The following WDR83 variants were observed in gnomAD, a reference collection of about 807,000 sequenced individuals.
WDR83 encodes the protein WD repeat domain 83.
A neutral mutation model predicts 37.7 loss-of-function variants in WDR83; 37 were observed. The ratio of observed to expected loss-of-function variants is 0.98; its 90% confidence interval spans 0.76 to 1.29. The LOEUF (loss-of-function observed/expected upper bound fraction) is 1.29. WDR83 is among the 50% of genes most tolerant of loss of function. The pLI is 0.00. For missense variants in WDR83, 445 were observed against 414.4 expected (o/e 1.07, Z -0.64); for synonymous variants, 174 against 181.1 (o/e 0.96, Z 0.31).
intron 2 of WDR83, chr19:12,669,186 G>C: frequency 6.2e-7 from 1 of 1,614,148 alleles, no homozygotes; most frequent in Non-Finnish European, 8.5e-7. Context: ...GTAGTCCGGC[G>C]TCGGGTCGTC....
At chr19:12,674,067 T>C (rs2024499084) in intron 10 of WDR83, among the ~76,000 whole-genome samples, 1 of 152,130 alleles carries the variant, frequency 6.6e-6, no homozygotes, top group Admixed American at 6.5e-5. Context: ...TTAAGAGGTG[T>C]AGCCTGCGCA....
chr19:12,674,226 G>A (rs767182717), intron 10 of WDR83, among the ~76,000 whole-genome samples: 18 of 152,210 alleles, frequency 1.2e-4, no homozygotes, highest in Non-Finnish European at 1.6e-4. Context: ...GGGTGAGATA[G>A]GGCTGCAGTC....
intron 10 of WDR83, among the ~76,000 whole-genome samples, chr19:12,675,210 T>TGAGGCCAGGAGTTC (rs1213208543): frequency 6.6e-6 from 1 of 152,092 alleles, no homozygotes; most frequent in Non-Finnish European, 1.5e-5. Flanking sequence ...GAGGATCACT[T>TGAGGCCAGGAGTTC]GAGGCCAGGA....
At chr19:12,675,378 G>T in intron 10 of WDR83, 145 bp from the exon 11 acceptor site, 1 of 1,148,466 alleles carries the variant, frequency 8.7e-7, no homozygotes, top group Non-Finnish European at 1.2e-6. Context: ...GCAGTGTCTA[G>T]GAGGCAATTA....
In WDR83 at chr19:12,666,930, G is replaced by C; in HGVS notation, c.-219G>C. On this transcript the variant is annotated 5_prime_UTR_variant, in exon 1 of 11. Coordinates refer to ENST00000418543, the MANE Select transcript of WDR83 (RefSeq NM_001099737.3). Reference sequence around the variant, plus strand: ...GCTAAAGGTGACACTGGCGTCTCACGGGCTATGAAGACGGAATGCCTCTTA... The same window carrying C: ...GCTAAAGGTGACACTGGCGTCTCACCGGCTATGAAGACGGAATGCCTCTTA... 1.7e-6 allele frequency: 1 copy of C among 574,888 alleles called. No homozygotes were observed. The allele number at this position is 574,888 out of a possible 1,614,324, so 35.6% of individuals were successfully genotyped here. A position where few individuals can be genotyped will look rare whatever the true frequency, so the allele number is the denominator to read the frequency against.
rs1313510824 is a variant in WDR83 at position 12,675,515 on chromosome 19, C to T, written c.799-8C>T. 1.2e-6 allele frequency: 2 copies of T among 1,602,760 alleles called. No homozygotes were observed. The highest frequency in any genetic ancestry group is 1.7e-6 in the Non-Finnish European group (2 of 1,179,800). ...ACAGATAACCACTCCCTACCCCTCG[C>T]TCCACAGGGTGCGCTGGCTCTGGCC... On this transcript the variant is annotated splice_polypyrimidine_tract_variant and splice_region_variant and intron_variant, in intron 10 of 10. Coordinates refer to ENST00000418543, the MANE Select transcript of WDR83 (RefSeq NM_001099737.3).
At chr19:12,671,152 AC>A in intron 7 of WDR83, 1 of 228,016 alleles carries the variant, frequency 4.4e-6, no homozygotes, top group Non-Finnish European at 9.2e-6. Flanking sequence ...ACATGGTGAA[AC>A]CCCGTCTCTA....
At chr19:12,670,413 C>T (rs1300420515) in intron 5 of WDR83, 128 bp downstream of exon 5, 1 of 1,494,022 alleles carries the variant, frequency 6.7e-7, no homozygotes, top group Non-Finnish European at 9.2e-7. Context: ...ACTCCGCATG[C>T]CAGGCTAGGC....
At chr19:12,669,008 C>T in intron 2 of WDR83, 1 of 1,041,504 alleles carries the variant, frequency 9.6e-7, no homozygotes, top group Non-Finnish European at 1.4e-6. Flanking sequence ...CAGCCCCACT[C>T]CCGGCCGATC....
intron 2 of WDR83, chr19:12,669,519 G>T: frequency 3.1e-6 from 4 of 1,308,650 alleles, no homozygotes; most frequent in Admixed American, 2.0e-5. Flanking sequence ...CGTTCCTCAT[G>T]ACAGAGGCTT....
rs779137124 is a variant in WDR83 at position 12,668,586 on chromosome 19, C to A, written c.-78C>A. On this transcript the variant is annotated 5_prime_UTR_variant, in exon 2 of 11. Coordinates refer to ENST00000418543, the MANE Select transcript of WDR83 (RefSeq NM_001099737.3). ...AGAGTTGGCAAAGCTGATGAAGGAG[C>A]AGTAGACAGCGACCCAAGCACACCA... 1 of 1,614,080 alleles carries A rather than the reference C, an allele frequency of 6.2e-7. No homozygotes were observed. The highest frequency in any genetic ancestry group is 8.5e-7 in the Non-Finnish European group (1 of 1,180,000).
chr19:12,667,180 C>T (rs1464088695), intron 1 of WDR83, among the ~76,000 whole-genome samples, 188 bp downstream of exon 1: 1 of 152,178 alleles, frequency 6.6e-6, no homozygotes. Context: ...GTAAATACCC[C>T]TGGAGTACCA....
At chr19:12,674,983 G>A (rs1001400495) in intron 10 of WDR83, among the ~76,000 whole-genome samples, 2 of 151,974 alleles carry the variant, frequency 1.3e-5, no homozygotes, top group Non-Finnish European at 1.5e-5. Flanking sequence ...GCATGGTAGC[G>A]CGTGCCTGTA....
At chr19:12,673,790 C>T (rs932340714) in intron 10 of WDR83, among the ~76,000 whole-genome samples, 1 of 152,152 alleles carries the variant, frequency 6.6e-6, no homozygotes, top group Non-Finnish European at 1.5e-5. Context: ...CCTCTTCCCC[C>T]CAGGGTTCAG....
chr19:12,670,955 A>G lies in WDR83; in HGVS notation c.506+134A>G, dbSNP rs113066095. 10,028 of 1,374,338 alleles carry G rather than the reference A, an allele frequency of 7.3e-3. 578 individuals are homozygous for G. In the African/African-American group the frequency reaches 0.12, roughly 17 times the overall value. 85.1% of individuals were successfully genotyped at this position (1,374,338 alleles called of 1,614,324 possible). A position where few individuals can be genotyped will look rare whatever the true frequency, so the allele number is the denominator to read the frequency against. On this transcript the variant is annotated intron_variant, in intron 7 of 10. Coordinates refer to ENST00000418543, the MANE Select transcript of WDR83 (RefSeq NM_001099737.3). ...TAATCCCAGCTACTTGGGAGGCTGA[A>G]GTGGAAGGATCACTTGAGTCCAAGA...
intron 10 of WDR83, 83 bp downstream of exon 10, chr19:12,673,399 A>T: frequency 2.0e-5 from 11 of 543,658 alleles, no homozygotes; most frequent in East Asian, 8.2e-5. Flanking sequence ...CCAGGGCCTG[A>T]AGGCTAGGAT....
chr19:12,670,498 G>A (rs918708217), intron 5 of WDR83, 65 bp from the exon 6 acceptor site: 12 of 1,612,730 alleles, frequency 7.4e-6, no homozygotes, highest in Non-Finnish European at 9.3e-6. Context: ...ACCGACACTG[G>A]GAACCCTGCC....
intron 1 of WDR83, chr19:12,668,262 G>C: frequency 7.7e-7 from 1 of 1,297,926 alleles, no homozygotes; most frequent in Non-Finnish European, 1.1e-6. Context: ...CTCATTCAGG[G>C]AAGTCCAGGA....
chr19:12,675,382 G>A (rs1568316264), intron 10 of WDR83, 141 bp from the exon 11 acceptor site: 1 of 1,171,876 alleles, frequency 8.5e-7, no homozygotes, highest in Non-Finnish European at 1.2e-6. Flanking sequence ...TGTCTAGGAG[G>A]CAATTAGAGG....
Sources: allele counts gnomAD v4.1 joint callset (sites outside exome capture counted in the v4.1 genomes callset), GRCh38; gene constraint gnomAD v4.1.1; transcripts MANE v1.5; gene names NCBI Gene and HGNC (gene_info 2026-07-23, HGNC 2026-07-21).